Variants in AGPAT2 observed in about 807,000 individuals in gnomAD.
AGPAT2 encodes the protein 1-acyl-sn-glycerol-3-phosphate acyltransferase beta.
A neutral mutation model predicts 26.1 loss-of-function variants in AGPAT2; 18 were observed. The ratio of observed to expected loss-of-function variants is 0.69; its 90% CI spans 0.48 to 1.02. The LOEUF is 1.02. Ranked by LOEUF, AGPAT2 falls within the 50% of genes least tolerant of loss-of-function variation. The probability of loss-of-function intolerance (pLI) is 0.00; values close to 1 mark genes in which losing one functional copy is unlikely to be tolerated. For missense variants in AGPAT2, 415 were observed against 394.9 expected (o/e 1.05, Z -0.43); for synonymous variants, 200 against 174.2 (o/e 1.15, Z -1.16).
rs141185412 is a variant in AGPAT2, at chr9:136,680,319, C to T, written c.183-2763G>A. 2.7e-3 allele frequency among the ~76,000 whole-genome samples: 408 copies of T among 152,244 alleles called. 4 individuals are homozygous for T. The East Asian group carries it at 0.037, about 14-fold the overall frequency. On this transcript the variant is annotated intron_variant, in intron 1 of 5. Coordinates refer to ENST00000371696, the MANE Select transcript of AGPAT2 (RefSeq NM_006412.4). ...TCAGCTCACTGCAACCTCTGCCTCC[C>T]GGGTTCAAGCAATTCTCCTGCCTCA...
At chr9:136,677,662 C>G in intron 1 of AGPAT2, 106 bp from the exon 2 acceptor site, 1 of 1,408,582 alleles carries the variant, frequency 7.1e-7, no homozygotes, top group Admixed American at 1.9e-5. Flanking sequence ...AGGGGCCCTC[C>G]TGGCACGGGG....
chr9:136,680,731 G>A (rs949208459), intron 1 of AGPAT2, among the ~76,000 whole-genome samples: 8 of 151,524 alleles, frequency 5.3e-5, no homozygotes, highest in Admixed American at 2.0e-4. Flanking sequence ...GTGCAGTGGC[G>A]AGATCTCAGC....
chr9:136,686,858 C>T (rs939387813), intron 1 of AGPAT2, among the ~76,000 whole-genome samples: 54 of 152,376 alleles, frequency 3.5e-4, no homozygotes, highest in Admixed American at 1.2e-3. Flanking sequence ...CCTTTCTCTC[C>T]GAAAGCTGCT....
intron 1 of AGPAT2, among the ~76,000 whole-genome samples, chr9:136,683,574 C>T (rs574075493): frequency 4.6e-5 from 7 of 152,330 alleles, no homozygotes; most frequent in African/African-American, 1.7e-4. Flanking sequence ...CAAGCTGCAG[C>T]ACAAGGCGGG....
chr9:136,673,554 G>A lies in AGPAT2; in HGVS notation c.*198C>T. On this transcript the variant is annotated 3_prime_UTR_variant, in exon 6 of 6. Coordinates refer to ENST00000371696, the MANE Select transcript of AGPAT2 (RefSeq NM_006412.4). Reference sequence around the variant, plus strand: ...TGCCCTCGAGCCCGGGGAGGGTCCAGCTGAGCCCCCTGCAGGGGACACCAG... The same window carrying A: ...TGCCCTCGAGCCCGGGGAGGGTCCAACTGAGCCCCCTGCAGGGGACACCAG... 1.9e-6 allele frequency: 1 copy of A among 529,406 alleles called. No individual in the cohort carries two copies. 32.8% of individuals were successfully genotyped at this position (529,406 alleles called of 1,614,324 possible). A position where few individuals can be genotyped will look rare whatever the true frequency, so the allele number is the denominator to read the frequency against.
intron 2 of AGPAT2, 140 bp downstream of exon 2, chr9:136,677,283 G>A: frequency 6.6e-7 from 1 of 1,504,768 alleles, no homozygotes; most frequent in South Asian, 1.2e-5. Context: ...CTCTGTGTCT[G>A]GCCCTGAGGG....
intron 1 of AGPAT2, among the ~76,000 whole-genome samples, chr9:136,686,752 C>A (rs1029348370): frequency 1.1e-4 from 16 of 152,260 alleles, no homozygotes; most frequent in Non-Finnish European, 2.2e-4. Context: ...CCGTCGTGCG[C>A]CCTGATCAAT....
At position 136,687,358 on chromosome 9, in the gene AGPAT2, G is replaced by A. The variant is rs1468657276; in HGVS notation, c.-1C>T. 7 of 1,476,526 alleles carry A rather than the reference G, an allele frequency of 4.7e-6. No homozygotes were observed. Among genetic ancestry groups the A allele is most frequent in the Admixed American group, 2.6e-5 (1 of 37,748 alleles). 91.5% of individuals were successfully genotyped at this position (1,476,526 alleles called of 1,614,324 possible). On this transcript the variant is annotated 5_prime_UTR_variant, in exon 1 of 6. Coordinates refer to ENST00000371696, the MANE Select transcript of AGPAT2 (RefSeq NM_006412.4). ...CGGCCAGACACGGCCACAGCTCCATGGCCCGGCCCGGCGCCCGACGGCGCC... is the reference window on the plus strand; with the variant it reads ...CGGCCAGACACGGCCACAGCTCCATAGCCCGGCCCGGCGCCCGACGGCGCC...
chr9:136,685,202 G>A (rs1244053697), intron 1 of AGPAT2, among the ~76,000 whole-genome samples: 1 of 152,226 alleles, frequency 6.6e-6, no homozygotes, highest in Non-Finnish European at 1.5e-5. Flanking sequence ...TGTCCCGGAA[G>A]CCACTACTCC....
chr9:136,686,228 C>T (rs1846219327), intron 1 of AGPAT2, among the ~76,000 whole-genome samples: 1 of 152,272 alleles, frequency 6.6e-6, no homozygotes, highest in African/African-American at 2.4e-5. Context: ...ACCCACTGCC[C>T]CTGGAACCAC....
At chr9:136,682,680 G>C (rs1846175148) in intron 1 of AGPAT2, among the ~76,000 whole-genome samples, 1 of 152,214 alleles carries the variant, frequency 6.6e-6, no homozygotes, top group Non-Finnish European at 1.5e-5. Flanking sequence ...GGCCCTTCTG[G>C]TGGCATCGGA....
intron 5 of AGPAT2, among the ~76,000 whole-genome samples, chr9:136,674,382 C>T (rs544929056): frequency 6.6e-6 from 1 of 152,376 alleles, no homozygotes; most frequent in African/African-American, 2.4e-5. Flanking sequence ...GCCTGTGCCC[C>T]TGGGCTGCCT....
chr9:136,678,907 C>G (rs1846126286), intron 1 of AGPAT2, among the ~76,000 whole-genome samples: 1 of 152,116 alleles, frequency 6.6e-6, no homozygotes, highest in African/African-American at 2.4e-5. Flanking sequence ...CGTGAGCCAC[C>G]ACACCTCGCT....
chr9:136,687,135 G>A, intron 1 of AGPAT2, 41 bp downstream of exon 1: 2 of 1,553,952 alleles, frequency 1.3e-6, no homozygotes, highest in South Asian at 2.3e-5. Flanking sequence ...CGGAAGCGGC[G>A]CGGCGGTTCC....
At chr9:136,685,979 C>T (rs376027506) in intron 1 of AGPAT2, among the ~76,000 whole-genome samples, 1 of 152,240 alleles carries the variant, frequency 6.6e-6, no homozygotes, top group African/African-American at 2.4e-5. Flanking sequence ...AGTGTGCGCT[C>T]CCCGGGACCC....
chr9:136,674,808 CT>C lies in AGPAT2; in HGVS notation c.589-2del. 6.5e-7 allele frequency: 1 copy of C among 1,547,286 alleles called. No individual in the cohort carries two copies. The highest frequency in any genetic ancestry group is 1.2e-5 in the South Asian group (1 of 81,854). Reference sequence around the variant, plus strand: ...AGTACACCACGGGGACGATGGGCACCTGCAGGCAGGGAGACGCACAGCTGAG... The same window carrying C: ...AGTACACCACGGGGACGATGGGCACCGCAGGCAGGGAGACGCACAGCTGAG... On this transcript the variant is annotated splice_acceptor_variant, in intron 4 of 5. Transcript: ENST00000371696. LOFTEE classifies it high-confidence loss of function.
At chr9:136,678,247 G>A (rs1179245530) in intron 1 of AGPAT2, among the ~76,000 whole-genome samples, 2 of 152,174 alleles carry the variant, frequency 1.3e-5, no homozygotes, top group African/African-American at 4.8e-5. Flanking sequence ...CCTGGCCACA[G>A]CAGCCCCCAC....
intron 1 of AGPAT2, among the ~76,000 whole-genome samples, chr9:136,679,754 G>C (rs138155781): frequency 6.6e-6 from 1 of 152,212 alleles, no homozygotes; most frequent in East Asian, 1.9e-4. Flanking sequence ...AGATTAAAAC[G>C]CCTGATAACA....
At chr9:136,686,238 CG>C (rs1846219479) in intron 1 of AGPAT2, among the ~76,000 whole-genome samples, 1 of 152,230 alleles carries the variant, frequency 6.6e-6, no homozygotes, top group Non-Finnish European at 1.5e-5. Context: ...CCTGGAACCA[CG>C]GGGAAGGGGG....
Sources: gnomAD v4.1 joint callset for allele counts (sites outside exome capture counted in the v4.1 genomes callset) on GRCh38, gnomAD v4.1.1 for gene constraint, MANE v1.5 for transcripts, NCBI Gene and HGNC (gene_info 2026-07-23, HGNC 2026-07-21) for gene names.